Variants in MYRFL observed in about 807,000 individuals in gnomAD.
MYRFL encodes the protein myelin regulatory factor-like protein.
In MYRFL, 88 loss-of-function variants were observed where a neutral mutation model predicts 109.4. That is an observed-to-expected ratio of 0.80 (90% CI 0.68 to 0.96). The LOEUF (loss-of-function observed/expected upper bound fraction) is 0.96, where lower values mean the gene tolerates loss of function less well. MYRFL is among the 40% of genes least tolerant of loss of function. The pLI is 0.00. For synonymous variants in MYRFL, 324 were observed against 320.9 expected (o/e 1.01, Z -0.10); for missense variants, 957 against 954.9 (o/e 1.00, Z -0.03).
intron 10 of MYRFL, 78 bp from the exon 11 acceptor site, chr12:69,903,566 C>T: frequency 1.4e-6 from 2 of 1,395,692 alleles, no homozygotes; most frequent in Non-Finnish European, 1.9e-6. Flanking sequence ...TTCAGTTTGC[C>T]TTTGCTCTGA....
intron 2 of MYRFL, among the ~76,000 whole-genome samples, chr12:69,876,212 G>A (rs1189326221): frequency 1.3e-5 from 2 of 152,142 alleles, no homozygotes; most frequent in South Asian, 2.1e-4. Context: ...GATTTCTATC[G>A]GAGGTTAGCT....
intron 2 of MYRFL, among the ~76,000 whole-genome samples, chr12:69,873,835 T>C (rs1885498242): frequency 2.7e-5 from 2 of 75,406 alleles, no homozygotes; most frequent in Non-Finnish European, 5.2e-5. Flanking sequence ...ATTTAATTAT[T>C]TGTCTGTCTT....
At chr12:69,883,168 C>A (rs769946730) in intron 5 of MYRFL, among the ~76,000 whole-genome samples, 5 of 152,300 alleles carry the variant, frequency 3.3e-5, no homozygotes, top group Admixed American at 6.5e-5. Flanking sequence ...TTGAATCTCA[C>A]CTCTTCCACT....
At chr12:69,896,983 A>G (rs1954016294) in intron 9 of MYRFL, among the ~76,000 whole-genome samples, 173 bp from the exon 10 acceptor site, 1 of 152,150 alleles carries the variant, frequency 6.6e-6, no homozygotes, top group African/African-American at 2.4e-5. Flanking sequence ...TGAATCAACT[A>G]CTCTCTTGTT....
chr12:69,845,062 C>A (rs1043657210), intron 1 of MYRFL, among the ~76,000 whole-genome samples: 5 of 152,192 alleles, frequency 3.3e-5, no homozygotes, highest in African/African-American at 9.7e-5. Context: ...TGCCCTTGAT[C>A]CCTGCATGGC....
At chr12:69,957,985 A>ACAT in intron 23 of MYRFL, 43 bp downstream of exon 23, 1 of 1,507,570 alleles carries the variant, frequency 6.6e-7, no homozygotes, top group Non-Finnish European at 8.9e-7. Flanking sequence ...AGAGAGGGAT[A>ACAT]CATTGAGCAA....
Position 69,953,797 on chromosome 12 carries a change from AC to A in MYRFL, c.2375+912del, listed in dbSNP as rs1956038935. Reference sequence around the variant, plus strand: ...CACACACACACACACACACACACACACGGAATGGGGGAGTTATTTTTCTTAA... The same window carrying A: ...CACACACACACACACACACACACACAGGAATGGGGGAGTTATTTTTCTTAA... On this transcript the variant is annotated intron_variant, in intron 21 of 24. Coordinates refer to ENST00000552032, the MANE Select transcript of MYRFL (RefSeq NM_182530.3). Among the ~76,000 whole-genome samples, 11 of 148,816 alleles carry A rather than the reference AC, an allele frequency of 7.4e-5. No homozygotes were observed. The Admixed American group carries it at 7.4e-4, about 10-fold the overall frequency.
intron 2 of MYRFL, among the ~76,000 whole-genome samples, chr12:69,875,151 C>T (rs1418012983): frequency 1.3e-5 from 2 of 148,904 alleles, no homozygotes; most frequent in Admixed American, 6.7e-5. Flanking sequence ...GTTTCATCCT[C>T]TCTGCAGGTT....
At position 69,851,314 on chromosome 12, in the gene MYRFL, C is replaced by T. The variant is rs573571376; in HGVS notation, c.47-3966C>T. Among the ~76,000 whole-genome samples, 3 of 152,316 alleles carry T rather than the reference C, an allele frequency of 2.0e-5. No individual in the cohort carries two copies. In the East Asian group the frequency reaches 5.8e-4, roughly 29 times the overall value. ...TCATGCAATATACTTATGGAACAAACTTGCACATGCACCCTTTATTTCTAA... is the reference window on the plus strand; with the variant it reads ...TCATGCAATATACTTATGGAACAAATTTGCACATGCACCCTTTATTTCTAA... On this transcript the variant is annotated intron_variant, in intron 1 of 24. Coordinates refer to ENST00000552032, the MANE Select transcript of MYRFL (RefSeq NM_182530.3).
rs1882221145 is a variant in MYRFL at position 69,825,533 on chromosome 12, G to A, written c.16G>A (p.Glu6Lys). 3 of 701,954 alleles carry A rather than the reference G, an allele frequency of 4.3e-6. No individual in the cohort carries two copies. Among genetic ancestry groups the A allele is most frequent in the African/African-American group, 1.7e-5 (1 of 57,310 alleles). 43.5% of individuals were successfully genotyped at this position (701,954 alleles called of 1,614,324 possible). ...TCACAGTACCATGGATGTGGTAGGC[G>A]AAAATGAGGCCCTGCAGCAGTTCTT... MDVVG[E>K]NEALQQFFEA... The change falls in exon 1 of 25, where the codon GAA becomes AAA. Residue 6 changes from glutamate (E) to lysine (K), a missense_variant. By Grantham distance (56) the Glu-to-Lys change is moderately conservative. Transcript: ENST00000552032.
chr12:69,948,569 C>T (rs980275521), intron 19 of MYRFL, among the ~76,000 whole-genome samples: 10 of 152,102 alleles, frequency 6.6e-5, no homozygotes, highest in East Asian at 3.9e-4. Flanking sequence ...GCCTCATTTG[C>T]GTTGTAAATT....
At chr12:69,849,932 G>A (rs2136319996) in intron 1 of MYRFL, among the ~76,000 whole-genome samples, 1 of 152,302 alleles carries the variant, frequency 6.6e-6, no homozygotes, top group East Asian at 1.9e-4. Flanking sequence ...ATGGATGGGT[G>A]ATGTGGTTTG....
chr12:69,890,954 G>C lies in MYRFL; in HGVS notation c.708-17G>C, dbSNP rs1206597223. On this transcript the variant is annotated splice_polypyrimidine_tract_variant and intron_variant, in intron 6 of 24. Coordinates refer to ENST00000552032, the MANE Select transcript of MYRFL (RefSeq NM_182530.3). Reference sequence around the variant, plus strand: ...GAAACATTTGTAAAACTGGTTTCTTGGTTTCTCTTTTCATAGACCTGATGT... The same window carrying C: ...GAAACATTTGTAAAACTGGTTTCTTCGTTTCTCTTTTCATAGACCTGATGT... 4 of 1,428,136 alleles carry C rather than the reference G, an allele frequency of 2.8e-6. No homozygotes were observed. Among genetic ancestry groups the C allele is most frequent in the East Asian group, 5.1e-5 (2 of 39,320 alleles). 88.5% of individuals were successfully genotyped at this position (1,428,136 alleles called of 1,614,324 possible). A position where few individuals can be genotyped will look rare whatever the true frequency, so the allele number is the denominator to read the frequency against.
At chr12:69,860,363 G>C (rs1323785900) in intron 2 of MYRFL, among the ~76,000 whole-genome samples, 5 of 151,986 alleles carry the variant, frequency 3.3e-5, no homozygotes, top group African/African-American at 1.2e-4. Flanking sequence ...TGGACATTTA[G>C]GTTGATTCCA....
chr12:69,940,123 A>C (rs1478499932), intron 19 of MYRFL, among the ~76,000 whole-genome samples: 3 of 151,938 alleles, frequency 2.0e-5, no homozygotes, highest in Non-Finnish European at 2.9e-5. Context: ...GTTGGAAAAC[A>C]CTCTGCAGGA....
At chr12:69,912,077 C>T (rs1317631017) in intron 13 of MYRFL, among the ~76,000 whole-genome samples, 1 of 152,148 alleles carries the variant, frequency 6.6e-6, no homozygotes, top group Non-Finnish European at 1.5e-5. Flanking sequence ...ACCTACCAGC[C>T]ACTGTACCAC....
At chr12:69,828,763 T>A (rs1412571568) in intron 1 of MYRFL, among the ~76,000 whole-genome samples, 1 of 152,146 alleles carries the variant, frequency 6.6e-6, no homozygotes, top group Non-Finnish European at 1.5e-5. Flanking sequence ...TTCCTCACTT[T>A]ACTTCATTTA....
Position 69,886,812 on chromosome 12 carries a change from C to G in MYRFL, c.557-8C>G. 7 of 1,535,740 alleles carry G rather than the reference C, an allele frequency of 4.6e-6. No individual in the cohort carries two copies. Among genetic ancestry groups the G allele is most frequent in the Non-Finnish European group, 6.1e-6 (7 of 1,146,692 alleles). ...AAGGAAGGCTCTGACGCACCTGTTT[C>G]TTTGCAGTGACAAGTAGGAGTCGCA... On this transcript the variant is annotated splice_region_variant and splice_polypyrimidine_tract_variant and intron_variant, in intron 5 of 24. Coordinates refer to ENST00000552032, the MANE Select transcript of MYRFL (RefSeq NM_182530.3).
intron 1 of MYRFL, among the ~76,000 whole-genome samples, chr12:69,848,590 G>C (rs73335896): frequency 6.1e-4 from 93 of 151,902 alleles, no homozygotes; most frequent in African/African-American, 2.2e-3. Flanking sequence ...TTACTTTTGT[G>C]GTGGTCTCCT....
Sources: allele counts gnomAD v4.1 joint callset (sites outside exome capture counted in the v4.1 genomes callset), GRCh38; gene constraint gnomAD v4.1.1; transcripts MANE v1.5; gene names NCBI Gene and HGNC (gene_info 2026-07-23, HGNC 2026-07-21).